KCNIP4: variants seen among roughly 807,000 people sequenced by gnomAD.
KCNIP4 encodes the protein potassium voltage-gated channel interacting protein 4, also known as Kv channel-interacting protein 4.
In KCNIP4, 12 loss-of-function variants were observed where a neutral mutation model predicts 34.0. The observed-to-expected ratio is 0.35, with a 90% CI of 0.23 to 0.57. KCNIP4 has a LOEUF of 0.57. Among genes scored for constraint, KCNIP4 ranks in the 20% least tolerant of loss-of-function variants. The pLI is 0.83. For missense variants in KCNIP4, 238 were observed against 311.7 expected (o/e 0.76, Z 1.78); for synonymous variants, 124 against 102.2 (o/e 1.21, Z -1.29).
At chr4:21,006,931 C>A (rs925261908) in intron 1 of KCNIP4, among the ~76,000 whole-genome samples, 2 of 152,142 alleles carry the variant, frequency 1.3e-5, no homozygotes, top group Non-Finnish European at 2.9e-5. Context: ...ACAATAAATT[C>A]TCTCTGTTCT....
intron 1 of KCNIP4, among the ~76,000 whole-genome samples, chr4:21,621,368 T>A (rs997440280): frequency 4.6e-5 from 7 of 152,178 alleles, no homozygotes; most frequent in African/African-American, 1.7e-4. Flanking sequence ...ATCTTATTAC[T>A]TATTTTTTCC....
Position 21,127,307 on chromosome 4 carries a change from A to G in KCNIP4, c.62-244598T>C, listed in dbSNP as rs549040108. 3.3e-5 allele frequency among the ~76,000 whole-genome samples: 5 copies of G among 152,198 alleles called. No individual in the cohort carries two copies. In the East Asian group the frequency reaches 7.7e-4, roughly 24 times the overall value. On this transcript the variant is annotated intron_variant, in intron 1 of 8. Coordinates refer to ENST00000382152, the MANE Select transcript of KCNIP4 (RefSeq NM_025221.6). ...CTGTCTCACTTCCCCTTCTCTCACC[A>G]TACTTACTGAGATCAACTCCCTAAT... is the stretch of plus-strand genomic sequence containing the variant.
intron 1 of KCNIP4, among the ~76,000 whole-genome samples, chr4:21,123,006 C>A (rs1750294418): frequency 6.6e-6 from 1 of 151,966 alleles, no homozygotes; most frequent in African/African-American, 2.4e-5. Flanking sequence ...GTCAGGAGAT[C>A]AAGACCATCC....
chr4:21,783,740 AG>A (rs1372110965), intron 1 of KCNIP4, among the ~76,000 whole-genome samples: 1 of 152,200 alleles, frequency 6.6e-6, no homozygotes, highest in Non-Finnish European at 1.5e-5. Flanking sequence ...TAGAAAGATG[AG>A]AATATTATAA....
chr4:21,926,753 G>A (rs1282651533), intron 1 of KCNIP4, among the ~76,000 whole-genome samples: 3 of 152,074 alleles, frequency 2.0e-5, no homozygotes, highest in Non-Finnish European at 2.9e-5. Flanking sequence ...AACCTATACT[G>A]AGAAGCCTCA....
At chr4:20,950,166 T>G (rs1022843494) in intron 1 of KCNIP4, among the ~76,000 whole-genome samples, 22 of 150,976 alleles carry the variant, frequency 1.5e-4, no homozygotes, top group Admixed American at 6.6e-4. Context: ...GTTCTTCCTG[T>G]GCAGAGAAAG....
chr4:21,194,369 G>A (rs928849596), intron 1 of KCNIP4, among the ~76,000 whole-genome samples: 1 of 152,026 alleles, frequency 6.6e-6, no homozygotes, highest in African/African-American at 2.4e-5. Flanking sequence ...GTTTATTGAC[G>A]ATTGGCCATC....
intron 3 of KCNIP4, among the ~76,000 whole-genome samples, chr4:20,849,402 G>A (rs1358165645): frequency 6.6e-6 from 1 of 152,134 alleles, no homozygotes; most frequent in Non-Finnish European, 1.5e-5. Flanking sequence ...TGTGTGCAAT[G>A]CGCATGCAGA....
At chr4:21,574,851 C>T (rs1356179106) in intron 1 of KCNIP4, among the ~76,000 whole-genome samples, 1 of 152,130 alleles carries the variant, frequency 6.6e-6, no homozygotes, top group Non-Finnish European at 1.5e-5. Context: ...GTATTTCTGT[C>T]TTTAATTTTT....
chr4:21,288,352 C>A (rs373217355), intron 1 of KCNIP4, among the ~76,000 whole-genome samples: 1 of 151,698 alleles, frequency 6.6e-6, no homozygotes, highest in Non-Finnish European at 1.5e-5. Context: ...TCATGCAAAA[C>A]GTAATAAAAG....
At chr4:20,910,952 AT>A (rs1728272360) in intron 1 of KCNIP4, among the ~76,000 whole-genome samples, 1 of 152,144 alleles carries the variant, frequency 6.6e-6, no homozygotes, top group Admixed American at 6.5e-5. Flanking sequence ...ATCCCCACAT[AT>A]TAAAAAAAGG....
chr4:21,265,525 G>C (rs1291920480), intron 1 of KCNIP4, among the ~76,000 whole-genome samples: 2 of 152,104 alleles, frequency 1.3e-5, no homozygotes, highest in South Asian at 4.1e-4. Context: ...GATTAAGCCA[G>C]GTAAGAATGA....
At chr4:21,659,295 T>A (rs1266194917) in intron 1 of KCNIP4, among the ~76,000 whole-genome samples, 2 of 152,210 alleles carry the variant, frequency 1.3e-5, no homozygotes, top group African/African-American at 4.8e-5. Context: ...GTTAATTTGA[T>A]TCAAAGCAGT....
At chr4:20,819,526 A>C (rs1440972033) in intron 3 of KCNIP4, among the ~76,000 whole-genome samples, 3 of 152,184 alleles carry the variant, frequency 2.0e-5, no homozygotes, top group East Asian at 3.9e-4. Context: ...TTTCTAAGGT[A>C]GAAGAATCAA....
At chr4:21,547,653 C>T (rs13115047) in intron 1 of KCNIP4, among the ~76,000 whole-genome samples, 64,741 of 151,806 alleles carry the variant, frequency 0.43, 14,124 homozygotes, top group South Asian at 0.63. Flanking sequence ...GGGAAGGCTA[C>T]GATTTCTAAA....
rs796071282 is a variant in KCNIP4 at position 21,350,258 on chromosome 4, G to A, written c.62-467549C>T. On this transcript the variant is annotated intron_variant, in intron 1 of 8. Transcript: ENST00000382152. ...GAGTCATGCTCTATCATTCAGCAACGTCTTTTATAAACTTTTAATGAAGGA... is the reference window on the plus strand; with the variant it reads ...GAGTCATGCTCTATCATTCAGCAACATCTTTTATAAACTTTTAATGAAGGA... 7.2e-5 allele frequency among the ~76,000 whole-genome samples: 11 copies of A among 152,016 alleles called. No individual in the cohort carries two copies. The East Asian group carries it at 9.7e-4, about 13-fold the overall frequency.
At chr4:21,312,511 C>G (rs1372084612) in intron 1 of KCNIP4, among the ~76,000 whole-genome samples, 2 of 152,188 alleles carry the variant, frequency 1.3e-5, no homozygotes, top group Non-Finnish European at 2.9e-5. Context: ...TCTCCCAGCT[C>G]TTCAAAACTA....
At chr4:21,059,015 C>T (rs1223538082) in intron 1 of KCNIP4, among the ~76,000 whole-genome samples, 1 of 152,036 alleles carries the variant, frequency 6.6e-6, no homozygotes, top group Admixed American at 6.6e-5. Flanking sequence ...AGGGGAATTC[C>T]CCTGCACACA....
chr4:20,829,108 G>A (rs1718112797), intron 3 of KCNIP4, among the ~76,000 whole-genome samples: 1 of 152,178 alleles, frequency 6.6e-6, no homozygotes, highest in Non-Finnish European at 1.5e-5. Context: ...GAACAGGCAG[G>A]GGTTCATCTT....
Sources: allele counts gnomAD v4.1 joint callset (sites outside exome capture counted in the v4.1 genomes callset), GRCh38; gene constraint gnomAD v4.1.1; transcripts MANE v1.5; gene names NCBI Gene and HGNC (gene_info 2026-07-23, HGNC 2026-07-21).